Variants in SMAD2 observed in about 807,000 individuals in gnomAD.
SMAD2 encodes the protein MAD homolog 2.
A neutral mutation model predicts 64.4 loss-of-function variants in SMAD2; 8 were observed. That is an observed-to-expected ratio of 0.12 (90% CI 0.07 to 0.22). SMAD2 has a LOEUF of 0.22. Among genes scored for constraint, SMAD2 ranks in the 10% least tolerant of loss-of-function variants. The pLI is 1.00. For missense variants in SMAD2, 289 were observed against 561.2 expected, an observed-to-expected ratio of 0.51 and a Z score of 4.90; for synonymous variants, 203 against 195.8, an observed-to-expected ratio of 1.04 and a Z score of -0.31.
chr18:47,858,575 T>C (rs565291853), intron 6 of SMAD2, among the ~76,000 whole-genome samples: 39 of 152,274 alleles, frequency 2.6e-4, no homozygotes, highest in Admixed American at 2.0e-3. Flanking sequence ...CACTGAACTT[T>C]GGGGTTTATA....
rs1015149959 is a variant in SMAD2 at position 47,840,894 on chromosome 18, G to A, written c.*933C>T. 5 of 232,174 alleles carry A rather than the reference G, an allele frequency of 2.2e-5. No individual in the cohort carries two copies. Among genetic ancestry groups the A allele is most frequent in the Non-Finnish European group, 4.3e-5 (5 of 117,480 alleles). The allele number at this position is 232,174 out of a possible 1,614,324, so 14.4% of individuals were successfully genotyped here. A position where few individuals can be genotyped will look rare whatever the true frequency, so the allele number is the denominator to read the frequency against. ...CTATGCATTTTTTATGAGGTGGAAG[G>A]ATAAATCAACAGACTGCTAGATTAT... On this transcript the variant is annotated 3_prime_UTR_variant, in exon 11 of 11. Coordinates refer to ENST00000262160, the MANE Select transcript of SMAD2 (RefSeq NM_005901.6).
rs1402627731 is a variant in SMAD2, at chr18:47,819,780, A to G, written c.*22047T>C. 1.5e-5 allele frequency: 2 copies of G among 131,644 alleles called. No individual in the cohort carries two copies. The highest frequency in any genetic ancestry group is 2.8e-5 in the African/African-American group (1 of 35,542). The allele number at this position is 131,644 out of a possible 1,614,324, so 8.2% of individuals were successfully genotyped here. On this transcript the variant is annotated 3_prime_UTR_variant, in exon 11 of 11. Coordinates refer to ENST00000262160, the MANE Select transcript of SMAD2 (RefSeq NM_005901.6). ...CACTGCACTCCAGCCTGGGTGACAG[A>G]GCGAGACTCCGTCTCAAAAAAAAAA...
intron 6 of SMAD2, among the ~76,000 whole-genome samples, chr18:47,860,283 T>C (rs993644597): frequency 1.3e-5 from 2 of 152,106 alleles, no homozygotes; most frequent in Non-Finnish European, 2.9e-5. Flanking sequence ...AAAATCAAAC[T>C]TTGTTTTGAA....
At chr18:47,842,960 C>T (rs1914116199) in intron 10 of SMAD2, among the ~76,000 whole-genome samples, 1 of 152,172 alleles carries the variant, frequency 6.6e-6, no homozygotes, top group South Asian at 2.1e-4. Context: ...ACTAACAGCC[C>T]TTCAAATATG....
In SMAD2 at chr18:47,819,195, G is replaced by A. The variant is rs73953609; in HGVS notation, c.*22632C>T. 6.0e-4 allele frequency: 91 copies of A among 152,242 alleles called. No homozygotes were observed. The highest frequency in any genetic ancestry group is 2.1e-3 in the African/African-American group (89 of 41,550). 9.4% of individuals were successfully genotyped at this position (152,242 alleles called of 1,614,324 possible). A position where few individuals can be genotyped will look rare whatever the true frequency, so the allele number is the denominator to read the frequency against. Reference sequence around the variant, plus strand: ...AAAATAATTGGTAAATCAAAAATAAGTGTCTTTAAAATTTTTGCCTGAATT... The same window carrying A: ...AAAATAATTGGTAAATCAAAAATAAATGTCTTTAAAATTTTTGCCTGAATT... On this transcript the variant is annotated 3_prime_UTR_variant, in exon 11 of 11. Coordinates refer to ENST00000262160, the MANE Select transcript of SMAD2 (RefSeq NM_005901.6).
At chr18:47,902,878 T>C (rs8091341) in intron 1 of SMAD2, among the ~76,000 whole-genome samples, 3,321 of 152,080 alleles carry the variant, frequency 0.022, 118 homozygotes, top group African/African-American at 0.076. Context: ...CTGCCATAAA[T>C]GAAAGAAAGA....
chr18:47,911,522 T>G (rs1483149727), intron 1 of SMAD2, among the ~76,000 whole-genome samples: 1 of 152,186 alleles, frequency 6.6e-6, no homozygotes, highest in Non-Finnish European at 1.5e-5. Context: ...TTTCATAAAT[T>G]TGGCCATGTC....
At chr18:47,912,462 T>C (rs1335209963) in intron 1 of SMAD2, 1 of 152,238 alleles carries the variant, frequency 6.6e-6, no homozygotes, top group Non-Finnish European at 1.5e-5. Flanking sequence ...GGGTCAGTTT[T>C]ATACATGCCT....
chr18:47,870,518 G>T lies in SMAD2; in HGVS notation c.283C>A (p.Gln95Lys), dbSNP rs757084234. The T allele has an allele frequency of 1.2e-6, 2 of 1,613,632 alleles. No homozygotes were observed. The highest frequency in any genetic ancestry group is 1.7e-6 in the Non-Finnish European group (2 of 1,179,650). Residue 95 changes from glutamine (Q) to lysine (K), a missense_variant, in exon 3 of 11, where the codon CAG becomes AAG. Physicochemically the swap from Gln to Lys is moderately conservative, Grantham distance 53 (BLOSUM62 1). Around this residue, in one of 6 missense-constraint regions of SMAD2, gnomAD observed 89 missense variants for 137.1 expected, o/e 0.65. Transcript: ENST00000262160. ...WGLSTPNTID[Q>K]WDTTGLYSFS... is the part of the protein sequence containing the mutation. ...CTGTAAAGGCCTGTTGTATCCCACT[G>T]ATCTATCGTATTTGGTGTACTCAGT...
In SMAD2 at chr18:47,809,265, T is replaced by C. The variant is rs1466141934; in HGVS notation, c.*32562A>G. 1 of 152,294 alleles carries C rather than the reference T, an allele frequency of 6.6e-6. No individual in the cohort carries two copies. The highest frequency in any genetic ancestry group is 1.5e-5 in the Non-Finnish European group (1 of 68,104). The allele number at this position is 152,294 out of a possible 1,614,324, so 9.4% of individuals were successfully genotyped here. A position where few individuals can be genotyped will look rare whatever the true frequency, so the allele number is the denominator to read the frequency against. ...ATTCCAGTTTCTCTAGTTTCTTCTT[T>C]CCCCTTCCTCTTTATTCAGTTCCTT... On this transcript the variant is annotated 3_prime_UTR_variant, in exon 11 of 11. Coordinates refer to ENST00000262160, the MANE Select transcript of SMAD2 (RefSeq NM_005901.6).
Position 47,825,452 on chromosome 18 carries a change from G to T in SMAD2, c.*16375C>A, listed in dbSNP as rs1399919727. ...TTAAAAAGAGACTTGTTTGGTTGTT[G>T]TGAACAAGTGGGTTGTTTGCACGTC... On this transcript the variant is annotated 3_prime_UTR_variant, in exon 11 of 11. Coordinates refer to ENST00000262160, the MANE Select transcript of SMAD2 (RefSeq NM_005901.6). The T allele has an allele frequency of 6.6e-6, 1 of 152,300 alleles. No homozygotes were observed. The highest frequency in any genetic ancestry group is 1.5e-5 in the Non-Finnish European group (1 of 68,108). The allele number at this position is 152,300 out of a possible 1,614,324, so 9.4% of individuals were successfully genotyped here. A position where few individuals can be genotyped will look rare whatever the true frequency, so the allele number is the denominator to read the frequency against.
chr18:47,860,233 A>G (rs1442020489), intron 6 of SMAD2, among the ~76,000 whole-genome samples: 1 of 152,194 alleles, frequency 6.6e-6, no homozygotes, highest in East Asian at 1.9e-4. Flanking sequence ...ATAATTCTCA[A>G]TTTAAAAAAC....
chr18:47,859,338 A>T (rs1206718883), intron 6 of SMAD2, among the ~76,000 whole-genome samples: 5 of 152,152 alleles, frequency 3.3e-5, no homozygotes, highest in Admixed American at 2.6e-4. Context: ...AACCACCCTG[A>T]CCTAAATGAC....
At chr18:47,902,887 G>A (rs74721671) in intron 1 of SMAD2, among the ~76,000 whole-genome samples, 4,646 of 152,212 alleles carry the variant, frequency 0.031, 102 homozygotes, top group Non-Finnish European at 0.047. Context: ...ATGAAAGAAA[G>A]AAGAAACCAG....
At chr18:47,849,745 C>T (rs1002767272) in intron 7 of SMAD2, among the ~76,000 whole-genome samples, 2 of 152,040 alleles carry the variant, frequency 1.3e-5, no homozygotes, top group East Asian at 1.9e-4. Flanking sequence ...CGATGGCTCA[C>T]GCCTGTAATC....
intron 1 of SMAD2, among the ~76,000 whole-genome samples, chr18:47,913,837 T>C (rs916985962): frequency 3.9e-5 from 6 of 152,232 alleles, no homozygotes; most frequent in African/African-American, 1.4e-4. Flanking sequence ...TTTCAACATC[T>C]GCAAGAATTG....
chr18:47,930,001 T>C (rs1357104263), intron 1 of SMAD2, among the ~76,000 whole-genome samples: 2 of 148,296 alleles, frequency 1.3e-5, no homozygotes, highest in Admixed American at 6.7e-5. Flanking sequence ...AAAAAAAAAG[T>C]GGAGGCAAAG....
In SMAD2 at chr18:47,851,255, G is replaced by A. The variant is rs550582174; in HGVS notation, c.784+19C>T. The stretch of plus-strand genomic sequence containing the variant: ...TGATACAGTATAAAAATGATGAGGG[G>A]AACATATGTGCAACTTACCCAAGCT... On this transcript the variant is annotated intron_variant, in intron 7 of 10. Coordinates refer to ENST00000262160, the MANE Select transcript of SMAD2 (RefSeq NM_005901.6). The A allele has an allele frequency of 6.4e-6, 10 of 1,552,122 alleles. No homozygotes were observed. The highest frequency in any genetic ancestry group is 1.7e-5 in the Admixed American group (1 of 59,816).
In SMAD2 at chr18:47,812,119, G is replaced by A. The variant is rs778088372; in HGVS notation, c.*29708C>T. The stretch of plus-strand genomic sequence containing the variant: ...CCCACCCAAATCTCATCTTGAATTG[G>A]AGCTCCCATAATTCCCCATATTATG... On this transcript the variant is annotated 3_prime_UTR_variant, in exon 11 of 11. Transcript: ENST00000262160. 1 of 152,088 alleles carries A rather than the reference G, an allele frequency of 6.6e-6. No homozygotes were observed. Among genetic ancestry groups the A allele is most frequent in the Non-Finnish European group, 1.5e-5 (1 of 68,022 alleles). 9.4% of individuals were successfully genotyped at this position (152,088 alleles called of 1,614,324 possible). A position where few individuals can be genotyped will look rare whatever the true frequency, so the allele number is the denominator to read the frequency against.
Sources: gnomAD v4.1 joint callset for allele counts (sites outside exome capture counted in the v4.1 genomes callset) on GRCh38, gnomAD v4.1.1 for gene constraint, gnomAD v4.1.1 regional missense constraint, MANE v1.5 for transcripts, NCBI Gene and HGNC (gene_info 2026-07-23, HGNC 2026-07-21) for gene names.